PKHD1L1: variants seen among roughly 807,000 people sequenced by gnomAD.
The protein encoded by PKHD1L1 is PKHD1 like 1.
In PKHD1L1, 434 loss-of-function variants were observed where a neutral mutation model predicts 462.9. The observed-to-expected ratio is 0.94, with a 90% CI of 0.87 to 1.02. The LOEUF is 1.02. Ranked by LOEUF, PKHD1L1 falls within the 50% of genes least tolerant of loss-of-function variation. The pLI is 0.00. For missense variants in PKHD1L1, 5,202 were observed against 5,096.1 expected, an observed-to-expected ratio of 1.02 and a Z score of -0.63; for synonymous variants, 1,781 against 1,750.0, an observed-to-expected ratio of 1.02 and a Z score of -0.44.
intron 31 of PKHD1L1, among the ~76,000 whole-genome samples, chr8:109,438,689 T>C (rs766778270): frequency 6.6e-6 from 1 of 152,072 alleles, no homozygotes; most frequent in South Asian, 2.1e-4. Context: ...CTTTGTCATC[T>C]TTTTTCCTTT....
intron 4 of PKHD1L1, 82 bp from the exon 5 acceptor site, chr8:109,383,988 A>G: frequency 1.1e-6 from 1 of 897,380 alleles, no homozygotes. Context: ...GTTGAAATTT[A>G]GTAATGTAAG....
chr8:109,508,753 T>A (rs566472754), intron 70 of PKHD1L1, among the ~76,000 whole-genome samples: 81 of 152,286 alleles, frequency 5.3e-4, no homozygotes, highest in Non-Finnish European at 9.6e-4. Context: ...AACATGTTTT[T>A]TCGTCTCTAA....
chr8:109,529,266 G>A (rs1820962863), intron 77 of PKHD1L1, among the ~76,000 whole-genome samples: 1 of 152,090 alleles, frequency 6.6e-6, no homozygotes, highest in Non-Finnish European at 1.5e-5. Flanking sequence ...AGCGGTCAAG[G>A]GAGAAGCATA....
chr8:109,442,294 A>G (rs1294253638), intron 35 of PKHD1L1, 99 bp downstream of exon 35: 12 of 1,119,922 alleles, frequency 1.1e-5, no homozygotes, highest in African/African-American at 7.9e-5. Context: ...TTACATAAAT[A>G]ATATACACAA....
At chr8:109,374,451 T>C (rs1811696523) in intron 2 of PKHD1L1, among the ~76,000 whole-genome samples, 1 of 152,254 alleles carries the variant, frequency 6.6e-6, no homozygotes, top group South Asian at 2.1e-4. Flanking sequence ...TGACTCTTTA[T>C]CCAATTTGCC....
chr8:109,365,279 T>A (rs970186462), intron 2 of PKHD1L1, among the ~76,000 whole-genome samples: 4 of 152,216 alleles, frequency 2.6e-5, no homozygotes, highest in Non-Finnish European at 5.9e-5. Context: ...ATTCAGATAC[T>A]TAGGAATTTT....
intron 68 of PKHD1L1, among the ~76,000 whole-genome samples, chr8:109,506,789 T>C (rs1819712760): frequency 6.6e-6 from 1 of 152,224 alleles, no homozygotes; most frequent in African/African-American, 2.4e-5. Context: ...TACTATTTAA[T>C]AGATCTGAGC....
At position 109,442,001 on chromosome 8, in the gene PKHD1L1, C is replaced by A. The variant is rs756906013; in HGVS notation, c.4205-6C>A. On this transcript the variant is annotated splice_region_variant and splice_polypyrimidine_tract_variant and intron_variant, in intron 34 of 77. Coordinates refer to ENST00000378402, the MANE Select transcript of PKHD1L1 (RefSeq NM_177531.6). ...TTTTAAAATATTACTCAATTCTTGC[C>A]CCCAGTACATGGATTAGGTTATGCC... 8 of 1,559,230 alleles carry A rather than the reference C, an allele frequency of 5.1e-6. No individual in the cohort carries two copies. The highest frequency in any genetic ancestry group is 6.9e-6 in the Non-Finnish European group (8 of 1,157,290).
Position 109,441,999 on chromosome 8 carries a change from G to A in PKHD1L1, c.4205-8G>A. 6.4e-7 allele frequency: 1 copy of A among 1,550,622 alleles called. No homozygotes were observed. Among genetic ancestry groups the A allele is most frequent in the Admixed American group, 2.1e-5 (1 of 47,568 alleles). ...TCTTTTAAAATATTACTCAATTCTT[G>A]CCCCCAGTACATGGATTAGGTTATG... is the stretch of plus-strand genomic sequence containing the variant. On this transcript the variant is annotated splice_region_variant and splice_polypyrimidine_tract_variant and intron_variant, in intron 34 of 77. Transcript: ENST00000378402.
At chr8:109,486,850 A>G (rs1586607544) in intron 59 of PKHD1L1, 29 bp downstream of exon 59, 1 of 1,588,642 alleles carries the variant, frequency 6.3e-7, no homozygotes, top group Non-Finnish European at 8.6e-7. Flanking sequence ...TATTTTTCTA[A>G]ATGAGCTATA....
intron 53 of PKHD1L1, among the ~76,000 whole-genome samples, chr8:109,478,441 T>TA (rs1439121120): frequency 2.0e-5 from 3 of 152,114 alleles, no homozygotes; most frequent in East Asian, 1.9e-4. Context: ...ATAAATGTTA[T>TA]AAAAAAATGG....
intron 46 of PKHD1L1, among the ~76,000 whole-genome samples, chr8:109,458,661 C>G (rs1195019694): frequency 1.3e-5 from 2 of 152,050 alleles, no homozygotes; most frequent in Non-Finnish European, 2.9e-5. Context: ...GTGACACTGT[C>G]ATTTGCACTG....
At chr8:109,379,209 T>C (rs182103606) in intron 2 of PKHD1L1, among the ~76,000 whole-genome samples, 2 of 152,262 alleles carry the variant, frequency 1.3e-5, no homozygotes, top group Non-Finnish European at 2.9e-5. Flanking sequence ...GACAAGTTGA[T>C]TACAGCACTT....
rs779422376 is a variant in PKHD1L1, at chr8:109,445,247, T to C, written c.5378T>C (p.Val1793Ala). The change falls in exon 38 of 78, where the codon GTT becomes GCT. Residue 1793 changes from valine (V) to alanine (A), a missense_variant. Around this residue, in one of 3 missense-constraint regions of PKHD1L1, gnomAD observed 4,497 missense variants for 4,336.8 expected, o/e 1.04. Coordinates refer to ENST00000378402, the MANE Select transcript of PKHD1L1 (RefSeq NM_177531.6). The stretch of plus-strand genomic sequence containing the variant: ...AATCAACAGTTCAGAGCAATAGAGG[T>C]TAATGAAAACAACATCACTGCTCTT... ...IGNQQFRAIEVNENNITALVT... is the reference protein window; with the variant it reads ...IGNQQFRAIEANENNITALVT... 2.2e-5 allele frequency: 36 copies of C among 1,613,688 alleles called. No homozygotes were observed. The highest frequency in any genetic ancestry group is 1.9e-5 in the Non-Finnish European group (22 of 1,179,850).
At position 109,507,792 on chromosome 8, in the gene PKHD1L1, C is replaced by T. The variant is rs144848911; in HGVS notation, c.11124C>T (p.Asp3708=). Residue 3708 remains aspartate, a synonymous_variant, in exon 69 of 78, where the codon GAC becomes GAT. Coordinates refer to ENST00000378402, the MANE Select transcript of PKHD1L1 (RefSeq NM_177531.6). ...TACCTCAAGCAGAATATGAATGGGA[C>T]GGAAACAGCCAAGTAGGAATTGGAG... ...SVIPQAEYEW[D]GNSQVGIGDY... is the part of the protein sequence containing the mutation. 1.2e-3 allele frequency: 1,912 copies of T among 1,613,336 alleles called. 7 individuals carry two copies. Among genetic ancestry groups the T allele is most frequent in the South Asian group, 2.4e-3 (216 of 91,074 alleles).
At chr8:109,488,935 T>C (rs1033135627) in intron 59 of PKHD1L1, among the ~76,000 whole-genome samples, 1 of 151,996 alleles carries the variant, frequency 6.6e-6, no homozygotes, top group African/African-American at 2.4e-5. Context: ...TCTTTAATAT[T>C]AATTTGTGTC....
chr8:109,419,131 G>A lies in PKHD1L1; in HGVS notation c.2395G>A (p.Val799Ile), dbSNP rs764828451. 1.1e-5 allele frequency: 18 copies of A among 1,613,358 alleles called. No homozygotes were observed. The South Asian group carries it at 1.3e-4, about 12-fold the overall frequency. Reference protein sequence around the residue: ...TYTCIDLLDLVRTKYTGTNVS... With the variant: ...TYTCIDLLDLIRTKYTGTNVS... ...CACTTGCATAGACCTTCTGGATCTC[G>A]TAAGAACGAAATACACTGGGACAAA... is the stretch of plus-strand genomic sequence containing the variant. Residue 799 changes from valine to isoleucine, a missense_variant, in exon 22 of 78, where the codon GTA becomes ATA. Physicochemically the swap from Val to Ile is conservative, Grantham distance 29 (BLOSUM62 3). Around this residue, in one of 3 missense-constraint regions of PKHD1L1, gnomAD observed 4,497 missense variants for 4,336.8 expected, o/e 1.04. Transcript: ENST00000378402.
At chr8:109,431,006 T>C (rs971447956) in intron 27 of PKHD1L1, among the ~76,000 whole-genome samples, 16 of 150,922 alleles carry the variant, frequency 1.1e-4, no homozygotes, top group Admixed American at 2.0e-4. Context: ...AGTCTTGCTG[T>C]CACCAGGCTG....
Position 109,508,211 on chromosome 8 carries a change from G to T in PKHD1L1, c.11342G>T (p.Arg3781Leu). ...AGTCTGGATCCTGACACAGAAACTC[G>T]AAGACTTTCCCCAGTGGCTATAATG... is the stretch of plus-strand genomic sequence containing the variant. ...IESLDPDTET[R>L]RLSPVAIMGN... The change falls in exon 70 of 78, where the codon CGA becomes CTA. Residue 3781 changes from arginine (R) to leucine (L), a missense_variant. Physicochemically the swap from Arg to Leu is moderately radical, Grantham distance 102 (BLOSUM62 -2). Around this residue, in one of 3 missense-constraint regions of PKHD1L1, gnomAD observed 698 missense variants for 736.3 expected, o/e 0.95. Transcript: ENST00000378402. 4 of 1,613,246 alleles carry T rather than the reference G, an allele frequency of 2.5e-6. No individual in the cohort carries two copies. The highest frequency in any genetic ancestry group is 3.4e-6 in the Non-Finnish European group (4 of 1,179,434).
Sources: allele counts gnomAD v4.1 joint callset (sites outside exome capture counted in the v4.1 genomes callset), GRCh38; gene constraint gnomAD v4.1.1; regional missense constraint gnomAD v4.1.1; transcripts MANE v1.5; gene names NCBI Gene and HGNC (gene_info 2026-07-23, HGNC 2026-07-21).